Variants in PCDHGC3 observed in about 807,000 individuals in gnomAD.
PCDHGC3 encodes the protein protocadherin gamma-C3.
A neutral mutation model predicts 59.2 loss-of-function variants in PCDHGC3; 26 were observed. That is an observed-to-expected ratio of 0.44 (90% CI 0.32 to 0.61). The LOEUF (loss-of-function observed/expected upper bound fraction) is 0.61. PCDHGC3 is among the 20% of genes least tolerant of loss of function. PCDHGC3 has a pLI of 0.05. For missense variants in PCDHGC3, 1,080 were observed against 1,221.8 expected, an observed-to-expected ratio of 0.88 and a Z score of 1.73; for synonymous variants, 487 against 519.7, an observed-to-expected ratio of 0.94 and a Z score of 0.86.
rs1173771781 is a variant in PCDHGC3 at position 141,486,312 on chromosome 5, G to A, written c.2430+7766G>A. Reference sequence around the variant, plus strand: ...ATCAGTGTGCAGGATCCAGACTCAGGGTCAAACGGAGATGTGAGCCTCCGC... The same window carrying A: ...ATCAGTGTGCAGGATCCAGACTCAGAGTCAAACGGAGATGTGAGCCTCCGC... On this transcript the variant is annotated intron_variant, in intron 1 of 3. Coordinates refer to ENST00000308177, the MANE Select transcript of PCDHGC3 (RefSeq NM_002588.4). The surrounding 1 kb of genome is among the most constrained non-coding windows in gnomAD (Gnocchi z 5.0). The A allele has an allele frequency of 1.2e-6, 2 of 1,613,864 alleles. No individual in the cohort carries two copies. Among genetic ancestry groups the A allele is most frequent in the African/African-American group, 1.3e-5 (1 of 74,842 alleles).
chr5:141,505,320 C>G, intron 2 of PCDHGC3, 73 bp from the exon 3 acceptor site: 2 of 1,605,358 alleles, frequency 1.2e-6, no homozygotes, highest in Non-Finnish European at 1.7e-6. Context: ...TTTGGGAGCC[C>G]TGGGAGAGGA....
chr5:141,488,980 C>A, intron 1 of PCDHGC3: 1 of 392,340 alleles, frequency 2.5e-6, no homozygotes, highest in Non-Finnish European at 4.5e-6. Flanking sequence ...CAATCAGACT[C>A]AGAGCTGAGG....
In PCDHGC3 at chr5:141,486,270, G is replaced by A. The variant is rs1052584402; in HGVS notation, c.2430+7724G>A. 2 of 1,614,062 alleles carry A rather than the reference G, an allele frequency of 1.2e-6. No homozygotes were observed. Reference sequence around the variant, plus strand: ...ACCCTCCCCGAGAGTGCAGAACCTGGCACTGTGGTGGCACTTATCAGTGTG... The same window carrying A: ...ACCCTCCCCGAGAGTGCAGAACCTGACACTGTGGTGGCACTTATCAGTGTG... On this transcript the variant is annotated intron_variant, in intron 1 of 3. Coordinates refer to ENST00000308177, the MANE Select transcript of PCDHGC3 (RefSeq NM_002588.4). This position sits in a 1 kb window ranked among gnomAD's most constrained non-coding sequence, Gnocchi z 5.0.
chr5:141,509,046 C>T (rs1442220429), intron 3 of PCDHGC3, among the ~76,000 whole-genome samples: 1 of 152,160 alleles, frequency 6.6e-6, no homozygotes, highest in Non-Finnish European at 1.5e-5. Flanking sequence ...CTCTCCCCCG[C>T]CCCCAGAAAG....
chr5:141,489,178 C>T lies in PCDHGC3; in HGVS notation c.2431-5629C>T, dbSNP rs909255357. ...GAGACTTCAGCTGCTGCATTCCAAG[C>T]CCTGGGTCTACCTTGGAGACAGGAC... On this transcript the variant is annotated intron_variant, in intron 1 of 3. Transcript: ENST00000308177. This position sits in a 1 kb window ranked among gnomAD's most constrained non-coding sequence, Gnocchi z 4.5. 54 of 1,234,872 alleles carry T rather than the reference C, an allele frequency of 4.4e-5. 1 individual carries two copies. In the East Asian group the frequency reaches 1.2e-3, roughly 29 times the overall value. 76.5% of individuals were successfully genotyped at this position (1,234,872 alleles called of 1,614,324 possible). A position where few individuals can be genotyped will look rare whatever the true frequency, so the allele number is the denominator to read the frequency against.
chr5:141,480,710 T>C (rs1174000425), intron 1 of PCDHGC3, among the ~76,000 whole-genome samples: 1 of 152,042 alleles, frequency 6.6e-6, no homozygotes, highest in East Asian at 1.9e-4. Context: ...CCCCGACAAA[T>C]GAAAGCACAG....
intron 1 of PCDHGC3, chr5:141,478,866 C>G: frequency 7.7e-7 from 1 of 1,304,352 alleles, no homozygotes; most frequent in East Asian, 2.5e-5. Context: ...TCTCAGCGAT[C>G]AGAGTTTAGC....
Position 141,486,219 on chromosome 5 carries a change from A to G in PCDHGC3, c.2430+7673A>G. 1 of 1,614,134 alleles carries G rather than the reference A, an allele frequency of 6.2e-7. No individual in the cohort carries two copies. Among genetic ancestry groups the G allele is most frequent in the African/African-American group, 1.3e-5 (1 of 75,042 alleles). ...CTGGACGTAAATGACAATGCCCCTT[A>G]CATCACAGTGACCTCAGAGCTTGGA... On this transcript the variant is annotated intron_variant, in intron 1 of 3. Transcript: ENST00000308177. This position sits in a 1 kb window ranked among gnomAD's most constrained non-coding sequence, Gnocchi z 5.0.
intron 3 of PCDHGC3, chr5:141,507,274 C>T (rs1000866082): frequency 1.3e-5 from 2 of 151,532 alleles, no homozygotes; most frequent in Non-Finnish European, 2.9e-5. Context: ...ACTATTTCAG[C>T]ATAAGTCAGT....
rs1216200329 is a variant in PCDHGC3, at chr5:141,491,485, C to G, written c.2431-3322C>G. ...CTTCTATAAGCAGTCCAGCCCCAAC[C>G]TGCAGGTGAGCTCGGACGGCACGCT... On this transcript the variant is annotated intron_variant, in intron 1 of 3. Coordinates refer to ENST00000308177, the MANE Select transcript of PCDHGC3 (RefSeq NM_002588.4). This position sits in a 1 kb window ranked among gnomAD's most constrained non-coding sequence, Gnocchi z 6.9. 6.2e-7 allele frequency: 1 copy of G among 1,614,148 alleles called. No individual in the cohort carries two copies. The highest frequency in any genetic ancestry group is 1.3e-5 in the African/African-American group (1 of 75,064).
rs13436436 is a variant in PCDHGC3 at position 141,494,301 on chromosome 5, G to C, written c.2431-506G>C. Among the ~76,000 whole-genome samples, 1,119 of 152,302 alleles carry C rather than the reference G, an allele frequency of 7.3e-3. 11 individuals carry two copies. The highest frequency in any genetic ancestry group is 0.026 in the African/African-American group (1,077 of 41,560). Reference sequence around the variant, plus strand: ...CCAGAGAAGATGTCCCTGTGAATGTGTCACTGCACAACCTGGCACCAAAAG... The same window carrying C: ...CCAGAGAAGATGTCCCTGTGAATGTCTCACTGCACAACCTGGCACCAAAAG... On this transcript the variant is annotated intron_variant, in intron 1 of 3. Coordinates refer to ENST00000308177, the MANE Select transcript of PCDHGC3 (RefSeq NM_002588.4).
At position 141,491,969 on chromosome 5, in the gene PCDHGC3, C is replaced by A; in HGVS notation, c.2431-2838C>A. ...CCCCTACACTCAAAAAAGGCCGGGGCCTCCTTCGAGCTTCCGGTGAATTTC... is the reference window on the plus strand; with the variant it reads ...CCCCTACACTCAAAAAAGGCCGGGGACTCCTTCGAGCTTCCGGTGAATTTC... On this transcript the variant is annotated intron_variant, in intron 1 of 3. Coordinates refer to ENST00000308177, the MANE Select transcript of PCDHGC3 (RefSeq NM_002588.4). The surrounding 1 kb of genome is among the most constrained non-coding windows in gnomAD (Gnocchi z 6.9). 1 of 898,714 alleles carries A rather than the reference C, an allele frequency of 1.1e-6. No individual in the cohort carries two copies. Among genetic ancestry groups the A allele is most frequent in the Non-Finnish European group, 1.6e-6 (1 of 629,384 alleles). 55.7% of individuals were successfully genotyped at this position (898,714 alleles called of 1,614,324 possible). A position where few individuals can be genotyped will look rare whatever the true frequency, so the allele number is the denominator to read the frequency against.
At chr5:141,503,802 G>A (rs2099831646) in intron 2 of PCDHGC3, among the ~76,000 whole-genome samples, 1 of 151,998 alleles carries the variant, frequency 6.6e-6, no homozygotes, top group South Asian at 2.1e-4. Context: ...CTTAGGGACG[G>A]GGAATCCCAG....
chr5:141,481,207 C>T (rs1287298617), intron 1 of PCDHGC3, among the ~76,000 whole-genome samples: 3 of 152,154 alleles, frequency 2.0e-5, no homozygotes, highest in Non-Finnish European at 1.5e-5. Flanking sequence ...TTTTAAAAAA[C>T]ATGGTAAGGT....
At chr5:141,502,288 G>C (rs2099813700) in intron 2 of PCDHGC3, among the ~76,000 whole-genome samples, 1 of 151,338 alleles carries the variant, frequency 6.6e-6, no homozygotes, top group African/African-American at 2.5e-5. Flanking sequence ...ATTGCATTTG[G>C]TTGTCACGTC....
rs2099884413 is a variant in PCDHGC3, at chr5:141,512,781, G to A, written c.*1608G>A. ...CCTTGATCTGCCCGCGGCGGCCCGT[G>A]TTGTGTTTTGTGCTGTGTCCACGCG... is the stretch of plus-strand genomic sequence containing the variant. On this transcript the variant is annotated 3_prime_UTR_variant, in exon 4 of 4. Transcript: ENST00000308177. 1 of 152,534 alleles carries A rather than the reference G, an allele frequency of 6.6e-6. No individual in the cohort carries two copies. Among genetic ancestry groups the A allele is most frequent in the African/African-American group, 2.4e-5 (1 of 41,444 alleles). 9.4% of individuals were successfully genotyped at this position (152,534 alleles called of 1,614,324 possible). A position where few individuals can be genotyped will look rare whatever the true frequency, so the allele number is the denominator to read the frequency against.
chr5:141,477,193 C>G lies in PCDHGC3; in HGVS notation c.1077C>G (p.Ser359Arg). The G allele has an allele frequency of 6.2e-7, 1 of 1,614,176 alleles. No homozygotes were observed. Among genetic ancestry groups the G allele is most frequent in the Non-Finnish European group, 8.5e-7 (1 of 1,180,036 alleles). Residue 359 changes from serine to arginine, a missense_variant, in exon 1 of 4, where the codon AGC becomes AGG. Transcript: ENST00000308177. This position sits in a 1 kb window ranked among gnomAD's most constrained non-coding sequence, Gnocchi z 4.9. ...APEITVTSVY[S>R]PVPEDAPLGT... is the part of the protein sequence containing the mutation. ...AGATCACAGTCACCTCCGTGTACAG[C>G]CCAGTACCCGAGGATGCCCCTCTGG...
At chr5:141,501,287 T>C (rs1025193070) in intron 2 of PCDHGC3, among the ~76,000 whole-genome samples, 1 of 96,980 alleles carries the variant, frequency 1.0e-5, no homozygotes, top group African/African-American at 4.2e-5. Context: ...GGATATTCCC[T>C]TATACACACA....
chr5:141,495,818 GTTC>G (rs2099764072), intron 2 of PCDHGC3, among the ~76,000 whole-genome samples: 1 of 151,904 alleles, frequency 6.6e-6, no homozygotes, highest in South Asian at 2.1e-4. Context: ...AGCGCCTTGT[GTTC>G]TTCTATCCCC....
Sources: allele counts gnomAD v4.1 joint callset (sites outside exome capture counted in the v4.1 genomes callset), GRCh38; gene constraint gnomAD v4.1.1; non-coding constraint Gnocchi (gnomAD v3.1); transcripts MANE v1.5; gene names NCBI Gene and HGNC (gene_info 2026-07-23, HGNC 2026-07-21).